PNPLA2: variants seen among roughly 807,000 people sequenced by gnomAD.
PNPLA2 encodes the protein patatin-like phospholipase domain-containing protein 2.
In PNPLA2, 28 loss-of-function variants were observed where a neutral mutation model predicts 39.7. The observed-to-expected ratio is 0.70, with a 90% confidence interval of 0.52 to 0.97. The LOEUF (loss-of-function observed/expected upper bound fraction) is 0.97. Among genes scored for constraint, PNPLA2 ranks in the 50% least tolerant of loss-of-function variants. The pLI is 0.00. For synonymous variants in PNPLA2, 392 were observed against 321.1 expected, an observed-to-expected ratio of 1.22 and a Z score of -2.36; for missense variants, 768 against 698.2, an observed-to-expected ratio of 1.10 and a Z score of -1.13.
rs988744471 is a variant in PNPLA2 at position 823,582 on chromosome 11, G to T, written c.752G>T (p.Arg251Leu). Reference sequence around the variant, plus strand: ...CGGGATGGCCTGCGCTTTCTGCAGCGGAACGGTGCGCGGACCCGGGCGGGA... The same window carrying T: ...CGGGATGGCCTGCGCTTTCTGCAGCTGAACGGTGCGCGGACCCGGGCGGGA... ...GYRDGLRFLQ[R>L]NGLLNRPNPL... is the part of the protein sequence containing the mutation. The change falls in exon 6 of 10, where the codon CGG (arginine) becomes CTG (leucine). Residue 251 changes from arginine (R) to leucine (L), a missense_variant. Physicochemically the swap from Arg to Leu is moderately radical, Grantham distance 102 (BLOSUM62 -2). Transcript: ENST00000336615. The T allele has an allele frequency of 3.7e-6, 6 of 1,610,450 alleles. No individual in the cohort carries two copies. In the East Asian group the frequency reaches 1.1e-4, roughly 30 times the overall value.
rs1590177153 is a variant in PNPLA2, at chr11:823,456, G to C, written c.697-71G>C. On this transcript the variant is annotated intron_variant, in intron 5 of 9. Coordinates refer to ENST00000336615, the MANE Select transcript of PNPLA2 (RefSeq NM_020376.4). ...TAGTGAAGGGAGGTGGCTGTTGGGGGTGCCAGGGATTCCAGGGGCAGAACG... is the reference window on the plus strand; with the variant it reads ...TAGTGAAGGGAGGTGGCTGTTGGGGCTGCCAGGGATTCCAGGGGCAGAACG... 6.4e-6 allele frequency: 9 copies of C among 1,406,604 alleles called. No homozygotes were observed. In the East Asian group the frequency reaches 2.0e-4, roughly 31 times the overall value. 87.1% of individuals were successfully genotyped at this position (1,406,604 alleles called of 1,614,324 possible).
rs746365986 is a variant in PNPLA2 at position 824,360 on chromosome 11, A to C, written c.1099A>C (p.Lys367Gln). 1 of 1,551,308 alleles carries C rather than the reference A, an allele frequency of 6.4e-7. No homozygotes were observed. Among genetic ancestry groups the C allele is most frequent in the Non-Finnish European group, 8.7e-7 (1 of 1,147,588 alleles). The change falls in exon 9 of 10, where the codon AAG becomes CAG. Residue 367 changes from lysine (K) to glutamine (Q), a missense_variant. Coordinates refer to ENST00000336615, the MANE Select transcript of PNPLA2 (RefSeq NM_020376.4). The part of the protein sequence containing the change: ...PDVPEDIRWM[K>Q]EQTGSICQYL... Reference sequence around the variant, plus strand: ...CGTTCCCGAGGACATCCGGTGGATGAAGGAGCAGACGGGCAGCATCTGCCA... The same window carrying C: ...CGTTCCCGAGGACATCCGGTGGATGCAGGAGCAGACGGGCAGCATCTGCCA...
chr11:825,150 C>T lies in PNPLA2; in HGVS notation c.*288C>T, dbSNP rs117804986. 2.1e-3 allele frequency: 1,153 copies of T among 555,286 alleles called. 5 individuals carry two copies. Among genetic ancestry groups the T allele is most frequent in the Middle Eastern group, 0.017 (35 of 2,104 alleles). 34.4% of individuals were successfully genotyped at this position (555,286 alleles called of 1,614,324 possible). ...CCCTTCCCTCCCCGTTTTTCATGGC[C>T]TGCTGAAATATGTGTGTGAAGAATT... is the stretch of plus-strand genomic sequence containing the variant. On this transcript the variant is annotated 3_prime_UTR_variant, in exon 10 of 10. Transcript: ENST00000336615.
At position 822,039 on chromosome 11, in the gene PNPLA2, C is replaced by T. The variant is rs1282802351; in HGVS notation, c.486+16C>T. 5 of 1,611,002 alleles carry T rather than the reference C, an allele frequency of 3.1e-6. No individual in the cohort carries two copies. The African/African-American group carries it at 5.3e-5, about 17-fold the overall frequency. ...CCAGGGGGTGGTGAGTATTCCTAGC[C>T]CTGGACACCTTCTATGGGGTGGGCC... On this transcript the variant is annotated intron_variant, in intron 4 of 9. Coordinates refer to ENST00000336615, the MANE Select transcript of PNPLA2 (RefSeq NM_020376.4).
At chr11:822,785 C>G (rs1845712792) in intron 5 of PNPLA2, among the ~76,000 whole-genome samples, 179 bp downstream of exon 5, 1 of 151,648 alleles carries the variant, frequency 6.6e-6, no homozygotes, top group Non-Finnish European at 1.5e-5. Flanking sequence ...CTCTGTCTAG[C>G]TGCTCTGTCC....
chr11:823,613 CG>C, intron 6 of PNPLA2, 26 bp downstream of exon 6: 1 of 981,172 alleles, frequency 1.0e-6, no homozygotes, highest in Non-Finnish European at 1.6e-6. Flanking sequence ...CGGGAGAGGG[CG>C]GGGTGGGCTC....
chr11:819,742 G>A lies in PNPLA2; in HGVS notation c.24G>A (p.Trp8Ter), dbSNP rs764287523. 6.6e-7 allele frequency: 1 copy of A among 1,506,206 alleles called. No individual in the cohort carries two copies. The highest frequency in any genetic ancestry group is 8.9e-7 in the Non-Finnish European group (1 of 1,127,878). The allele number at this position is 1,506,206 out of a possible 1,614,324, so 93.3% of individuals were successfully genotyped here. MFPREKT[W>*]NISFAGCGFL... Reference sequence around the variant, plus strand: ...CGATGTTTCCCCGCGAGAAGACGTGGAACATCTCGTTCGCGGGCTGCGGCT... The same window carrying A: ...CGATGTTTCCCCGCGAGAAGACGTGAAACATCTCGTTCGCGGGCTGCGGCT... Residue 8 changes from tryptophan to a stop codon, truncating the protein, a stop_gained, in exon 2 of 10, where the codon TGG becomes TGA. Coordinates refer to ENST00000336615, the MANE Select transcript of PNPLA2 (RefSeq NM_020376.4). LOFTEE classifies it high-confidence loss of function.
rs1845842055 is a variant in PNPLA2, at chr11:824,986, G to A, written c.*124G>A. On this transcript the variant is annotated 3_prime_UTR_variant, in exon 10 of 10. Transcript: ENST00000336615. ...GGGCCCCCTCGCCAGCCACTCACCA[G>A]CTGCATGCACTGAGAGGGGAGGTTT... 3 of 759,772 alleles carry A rather than the reference G, an allele frequency of 3.9e-6. No individual in the cohort carries two copies. The highest frequency in any genetic ancestry group is 2.4e-5 in the Admixed American group (1 of 40,898). 47.1% of individuals were successfully genotyped at this position (759,772 alleles called of 1,614,324 possible). A position where few individuals can be genotyped will look rare whatever the true frequency, so the allele number is the denominator to read the frequency against.
At chr11:822,091 C>T (rs994824488) in intron 4 of PNPLA2, 68 bp downstream of exon 4, 26 of 1,396,474 alleles carry the variant, frequency 1.9e-5, no homozygotes, top group Admixed American at 1.8e-4. Context: ...AGGAGGAGGC[C>T]GCCTAGAGCC....
chr11:822,952 T>G (rs1429652716), intron 5 of PNPLA2, among the ~76,000 whole-genome samples: 4 of 148,646 alleles, frequency 2.7e-5, no homozygotes, highest in African/African-American at 5.0e-5. Context: ...AGCCTCCCCA[T>G]TAGCTGGGAT....
intron 4 of PNPLA2, 104 bp downstream of exon 4, chr11:822,127 C>T (rs894460014): frequency 2.0e-5 from 21 of 1,037,158 alleles, no homozygotes; most frequent in Middle Eastern, 4.7e-4. Flanking sequence ...GCTCTGCCAC[C>T]GCCTGTTACC....
intron 3 of PNPLA2, 44 bp from the exon 4 acceptor site, chr11:821,914 C>T (rs1461919999): frequency 6.2e-7 from 1 of 1,610,116 alleles, no homozygotes. Flanking sequence ...GTGGGAACCT[C>T]AAGGCCTCTG....
At position 819,586 on chromosome 11, in the gene PNPLA2, C is replaced by G; in HGVS notation, c.-133C>G. On this transcript the variant is annotated 5_prime_UTR_variant, in exon 2 of 10. Transcript: ENST00000336615. ...GCCGCCCGCGTAGCTTCTTCGCCTC[C>G]GCCAGCGGGGACCCCGAGCTAGAGC... The G allele has an allele frequency of 1.6e-6, 2 of 1,279,972 alleles. No individual in the cohort carries two copies. The highest frequency in any genetic ancestry group is 2.0e-6 in the Non-Finnish European group (2 of 1,004,216). 79.3% of individuals were successfully genotyped at this position (1,279,972 alleles called of 1,614,324 possible).
At position 824,758 on chromosome 11, in the gene PNPLA2, C is replaced by T. The variant is rs910321788; in HGVS notation, c.1411C>T (p.Pro471Ser). 5.1e-6 allele frequency: 8 copies of T among 1,559,276 alleles called. No individual in the cohort carries two copies. The African/African-American group carries it at 6.8e-5, about 13-fold the overall frequency. ...CGCACCCGCCGACCCGGCTCCCGCC[C>T]CCGCGGACCCAGCATCCCCGCAGCA... ...MRAPADPAPA[P>S]ADPASPQHQL... Residue 471 changes from proline (P) to serine (S), a missense_variant, in exon 10 of 10, where the codon CCC becomes TCC. Physicochemically the swap from Pro to Ser is moderately conservative, Grantham distance 74. Transcript: ENST00000336615.
In PNPLA2 at chr11:821,617, C is replaced by G. The variant is rs1205203290; in HGVS notation, c.188-11C>G. On this transcript the variant is annotated splice_polypyrimidine_tract_variant and intron_variant, in intron 2 of 9. Coordinates refer to ENST00000336615, the MANE Select transcript of PNPLA2 (RefSeq NM_020376.4). The stretch of plus-strand genomic sequence containing the variant: ...GGAGCATGGGCCCCTAACCTTGGCC[C>G]TGTGCCCCAGGTGAGGCTGGTGCCA... 1 of 1,605,706 alleles carries G rather than the reference C, an allele frequency of 6.2e-7. No homozygotes were observed. Among genetic ancestry groups the G allele is most frequent in the Non-Finnish European group, 8.5e-7 (1 of 1,172,884 alleles).
At position 824,506 on chromosome 11, in the gene PNPLA2, G is replaced by A. The variant is rs1229758642; in HGVS notation, c.1176-17G>A. On this transcript the variant is annotated splice_polypyrimidine_tract_variant and intron_variant, in intron 9 of 9. Transcript: ENST00000336615. ...GCCGGGAGCTGAAGCCCTCCCTGCCGCATCCCTGCCCCGCAGGCTGCCGGA... is the reference window on the plus strand; with the variant it reads ...GCCGGGAGCTGAAGCCCTCCCTGCCACATCCCTGCCCCGCAGGCTGCCGGA... 6.5e-7 allele frequency: 1 copy of A among 1,544,924 alleles called. No individual in the cohort carries two copies. Among genetic ancestry groups the A allele is most frequent in the South Asian group, 1.2e-5 (1 of 84,252 alleles).
intron 3 of PNPLA2, 44 bp downstream of exon 3, chr11:821,904 G>A (rs762840707): frequency 5.0e-6 from 8 of 1,610,346 alleles, no homozygotes; most frequent in Non-Finnish European, 5.1e-6. Context: ...GGGGGGGGCA[G>A]TGGGAACCTC....
At chr11:823,057 A>T (rs1221006312) in intron 5 of PNPLA2, among the ~76,000 whole-genome samples, 1 of 145,238 alleles carries the variant, frequency 6.9e-6, no homozygotes, top group Non-Finnish European at 1.5e-5. Flanking sequence ...AAACTATTTT[A>T]TTTTTTTATT....
At chr11:824,220 G>A in intron 8 of PNPLA2, 90 bp downstream of exon 8, 2 of 1,546,398 alleles carry the variant, frequency 1.3e-6, no homozygotes, top group Non-Finnish European at 1.7e-6. Flanking sequence ...GTGGGGTGGG[G>A]TGAGCAGTGC....
Sources: gnomAD v4.1 joint callset for allele counts (sites outside exome capture counted in the v4.1 genomes callset) on GRCh38, gnomAD v4.1.1 for gene constraint, MANE v1.5 for transcripts, NCBI Gene and HGNC (gene_info 2026-07-23, HGNC 2026-07-21) for gene names.